SHC3: variants seen among roughly 807,000 people sequenced by gnomAD.
The protein encoded by SHC3 is SHC adaptor protein 3, also known as SHC-transforming protein 3.
In SHC3, 15 loss-of-function variants were observed where a neutral mutation model predicts 60.4. The observed-to-expected ratio is 0.25, with a 90% CI of 0.17 to 0.38. The LOEUF is 0.38. SHC3 is among the 10% of genes least tolerant of loss of function. The probability of loss-of-function intolerance (pLI) is 1.00; values close to 1 mark genes in which losing one functional copy is unlikely to be tolerated. For missense variants in SHC3, 677 were observed against 786.1 expected (o/e 0.86, Z 1.66); for synonymous variants, 294 against 325.9 (o/e 0.90, Z 1.05).
chr9:89,109,597 A>T (rs1825916812), intron 2 of SHC3: 5 of 985,524 alleles, frequency 5.1e-6, no homozygotes, highest in Non-Finnish European at 6.0e-6. Flanking sequence ...GGGTGGACGC[A>T]GTTGCGAAGC....
chr9:89,034,790 C>T (rs1331031894), intron 11 of SHC3, among the ~76,000 whole-genome samples: 1 of 152,164 alleles, frequency 6.6e-6, no homozygotes, highest in Non-Finnish European at 1.5e-5. Context: ...AACTAAGTTA[C>T]TGGAGACTTA....
At chr9:89,016,416 T>C (rs980469499) in intron 11 of SHC3, among the ~76,000 whole-genome samples, 1 of 152,124 alleles carries the variant, frequency 6.6e-6, no homozygotes, top group South Asian at 2.1e-4. Context: ...TGCTCATAAA[T>C]TTGATAATCT....
intron 7 of SHC3, among the ~76,000 whole-genome samples, chr9:89,047,429 T>C (rs1824792277): frequency 6.6e-6 from 1 of 152,152 alleles, no homozygotes; most frequent in Non-Finnish European, 1.5e-5. Context: ...CTGTTGTGCT[T>C]CAAAGGACAT....
intron 5 of SHC3, 74 bp downstream of exon 5, chr9:89,071,125 G>T: frequency 1.4e-6 from 2 of 1,392,492 alleles, no homozygotes; most frequent in Admixed American, 1.7e-5. Context: ...GTCTTGCAAG[G>T]CATATTATTG....
intron 6 of SHC3, among the ~76,000 whole-genome samples, chr9:89,060,961 C>G (rs918639749): frequency 6.6e-6 from 1 of 152,124 alleles, no homozygotes; most frequent in South Asian, 2.1e-4. Flanking sequence ...AGTGCTGGAC[C>G]TATCTGTGTC....
intron 11 of SHC3, among the ~76,000 whole-genome samples, chr9:89,020,489 G>C (rs1022614689): frequency 6.6e-6 from 1 of 152,120 alleles, no homozygotes; most frequent in African/African-American, 2.4e-5. Context: ...GAAGGTGAGG[G>C]CTCCTCCTCT....
intron 7 of SHC3, among the ~76,000 whole-genome samples, chr9:89,051,756 G>A (rs1447537022): frequency 5.9e-5 from 9 of 152,208 alleles, no homozygotes; most frequent in African/African-American, 2.2e-4. Context: ...AGAGGAAACA[G>A]AACAAAAAAA....
At chr9:89,102,061 T>C (rs773069628) in intron 2 of SHC3, among the ~76,000 whole-genome samples, 1 of 152,182 alleles carries the variant, frequency 6.6e-6, no homozygotes, top group Non-Finnish European at 1.5e-5. Flanking sequence ...GTTGTATCTT[T>C]CAAAGAATTT....
At chr9:89,091,933 A>T (rs1456976130) in intron 2 of SHC3, among the ~76,000 whole-genome samples, 1 of 132,784 alleles carries the variant, frequency 7.5e-6, no homozygotes, top group African/African-American at 2.5e-5. Flanking sequence ...AGACTCCAAT[A>T]AAAAAAATGG....
intron 1 of SHC3, among the ~76,000 whole-genome samples, chr9:89,140,084 A>G (rs1202159110): frequency 2.0e-5 from 3 of 152,232 alleles, no homozygotes; most frequent in Admixed American, 1.3e-4. Flanking sequence ...ACTAAAAGCC[A>G]TTAGACTTTT....
intron 6 of SHC3, among the ~76,000 whole-genome samples, chr9:89,059,305 CG>C (rs1400321757): frequency 6.4e-5 from 6 of 93,076 alleles, no homozygotes; most frequent in East Asian, 4.8e-4. Context: ...TGGTGGAGGA[CG>C]GTGGTGGAGG....
intron 1 of SHC3, among the ~76,000 whole-genome samples, chr9:89,140,116 G>T (rs1826371376): frequency 6.6e-6 from 1 of 152,148 alleles, no homozygotes; most frequent in Non-Finnish European, 1.5e-5. Context: ...CAAAATGCTT[G>T]ATTTAAGCAG....
chr9:89,075,013 G>A lies in SHC3; in HGVS notation c.729+96C>T, dbSNP rs554627094. On this transcript the variant is annotated intron_variant, in intron 4 of 11. Coordinates refer to ENST00000375835, the MANE Select transcript of SHC3 (RefSeq NM_016848.6). ...CTAGTAAAAATTTGACACAAAATAT[G>A]CTATGTGAGCTCAGTAAAGCTGCAA... 353 of 1,469,282 alleles carry A rather than the reference G, an allele frequency of 2.4e-4. 1 individual carries two copies. Among genetic ancestry groups the A allele is most frequent in the Non-Finnish European group, 3.1e-4 (342 of 1,102,314 alleles). 91.0% of individuals were successfully genotyped at this position (1,469,282 alleles called of 1,614,324 possible).
At chr9:89,118,467 A>C (rs1363219314) in intron 1 of SHC3, among the ~76,000 whole-genome samples, 1 of 152,188 alleles carries the variant, frequency 6.6e-6, no homozygotes, top group East Asian at 1.9e-4. Context: ...AGAAATATTC[A>C]AATATCAGCA....
chr9:89,153,936 T>TC (rs1826584162), intron 1 of SHC3, among the ~76,000 whole-genome samples: 1 of 152,100 alleles, frequency 6.6e-6, no homozygotes, highest in African/African-American at 2.4e-5. Flanking sequence ...TCACAGACAT[T>TC]CCCTTCGTTC....
intron 1 of SHC3, among the ~76,000 whole-genome samples, chr9:89,121,535 C>T (rs368651604): frequency 6.6e-5 from 10 of 152,226 alleles, no homozygotes; most frequent in African/African-American, 2.4e-4. Context: ...GGAGATCTGC[C>T]CACCTTGGCC....
intron 11 of SHC3, chr9:89,037,270 G>A (rs1824598077): frequency 5.9e-6 from 3 of 505,180 alleles, no homozygotes; most frequent in Non-Finnish European, 6.9e-6. Context: ...AAAATGCAAT[G>A]TTCTTAACTC....
intron 6 of SHC3, among the ~76,000 whole-genome samples, chr9:89,061,325 A>G (rs1825086331): frequency 6.6e-6 from 1 of 152,224 alleles, no homozygotes; most frequent in African/African-American, 2.4e-5. Context: ...CAAAATATTT[A>G]AGGCCTCTTT....
At chr9:89,056,009 G>A (rs930837134) in intron 6 of SHC3, among the ~76,000 whole-genome samples, 6 of 152,232 alleles carry the variant, frequency 3.9e-5, no homozygotes, top group African/African-American at 1.2e-4. Context: ...AGCCGTGAAA[G>A]CATTACTCTG....
Sources: gnomAD v4.1 joint callset for allele counts (sites outside exome capture counted in the v4.1 genomes callset) on GRCh38, gnomAD v4.1.1 for gene constraint, MANE v1.5 for transcripts, NCBI Gene and HGNC (gene_info 2026-07-23, HGNC 2026-07-21) for gene names.